Variants in NEIL2 observed in about 807,000 individuals in gnomAD.
NEIL2 encodes the protein nei like DNA glycosylase 2.
NEIL2 carries 23 observed loss-of-function variants against 22.2 expected under a neutral mutation model. The observed-to-expected ratio is 1.04, with a 90% CI of 0.75 to 1.47. NEIL2 has a LOEUF of 1.47. Among genes scored for constraint, NEIL2 ranks in the 40% most tolerant of loss-of-function variants. The pLI is 0.00. For missense variants in NEIL2, 583 were observed against 404.7 expected (o/e 1.44, Z -3.78); for synonymous variants, 229 against 164.8 (o/e 1.39, Z -2.99).
Position 11,779,834 on chromosome 8 carries a change from A to G in NEIL2, c.375A>G (p.Gly125=), listed in dbSNP as rs1290162798. The G allele has an allele frequency of 1.9e-6, 3 of 1,613,948 alleles. No individual in the cohort carries two copies. Among genetic ancestry groups the G allele is most frequent in the Non-Finnish European group, 2.5e-6 (3 of 1,179,950 alleles). Residue 125 remains glycine, a synonymous_variant, in exon 3 of 5, where the codon GGA becomes GGG. Transcript: ENST00000284503. The part of the protein sequence containing the change: ...SEYLERDAPA[G]DAGRWLRVSF... ...ATTTGGAGAGAGACGCCCCTGCAGG[A>G]GATGCTGGGAGGTGGCTGCGTGTCA...
chr8:11,779,675 G>T lies in NEIL2; in HGVS notation c.216G>T (p.Glu72Asp), dbSNP rs1215140040. ...MGPPGSSPTP[E>D]PPQKEVQKEG... ...CCCCTGGCAGCAGCCCAACACCAGA[G>T]CCTCCACAAAAAGAAGTGCAGAAGG... Residue 72 changes from glutamate to aspartate, a missense_variant, in exon 3 of 5, where the codon GAG (glutamate) becomes GAT (aspartate). Physicochemically the swap from Glu to Asp is conservative, Grantham distance 45. Coordinates refer to ENST00000284503, the MANE Select transcript of NEIL2 (RefSeq NM_145043.4). 1 of 1,613,914 alleles carries T rather than the reference G, an allele frequency of 6.2e-7. No homozygotes were observed. The highest frequency in any genetic ancestry group is 8.5e-7 in the Non-Finnish European group (1 of 1,179,970).
Position 11,786,034 on chromosome 8 carries a change from G to C in NEIL2, c.760G>C (p.Ala254Pro). ...CCTTTCTCTCGGTTCAGTCCTGAGTGCCTCGCGTCGGGAGGTCCTGGTGGA... is the reference window on the plus strand; with the variant it reads ...CCTTTCTCTCGGTTCAGTCCTGAGTCCCTCGCGTCGGGAGGTCCTGGTGGA... ...HPLSLGSVLS[A>P]SRREVLVDHV... Residue 254 changes from alanine to proline, a missense_variant, in exon 5 of 5, where the codon GCC becomes CCC. Ala to Pro is a conservative substitution (Grantham distance 27). Coordinates refer to ENST00000284503, the MANE Select transcript of NEIL2 (RefSeq NM_145043.4). 6.2e-7 allele frequency: 1 copy of C among 1,614,140 alleles called. No individual in the cohort carries two copies. The highest frequency in any genetic ancestry group is 8.5e-7 in the Non-Finnish European group (1 of 1,180,004).
At chr8:11,771,262 C>A (rs1476980313) in intron 1 of NEIL2, among the ~76,000 whole-genome samples, 184 bp from the exon 2 acceptor site, 1 of 152,178 alleles carries the variant, frequency 6.6e-6, no homozygotes, top group African/African-American at 2.4e-5. Flanking sequence ...TTTCCCACAC[C>A]CTGCCACAGC....
At chr8:11,782,461 T>C (rs1238895886) in intron 3 of NEIL2, among the ~76,000 whole-genome samples, 1 of 152,176 alleles carries the variant, frequency 6.6e-6, no homozygotes, top group Admixed American at 6.5e-5. Context: ...AAGCATTTAA[T>C]ATGCCTAGCC....
In NEIL2 at chr8:11,779,670, C is replaced by G. The variant is rs1804221500; in HGVS notation, c.211C>G (p.Pro71Ala). The G allele has an allele frequency of 2.5e-6, 4 of 1,613,888 alleles. No homozygotes were observed. Among genetic ancestry groups the G allele is most frequent in the South Asian group, 1.1e-5 (1 of 91,080 alleles). ...EMGPPGSSPT[P>A]EPPQKEVQKE... is the part of the protein sequence containing the mutation. ...GGGGCCCCCTGGCAGCAGCCCAACA[C>G]CAGAGCCTCCACAAAAAGAAGTGCA... Residue 71 changes from proline to alanine, a missense_variant, in exon 3 of 5, where the codon CCA becomes GCA. By Grantham distance (27) the Pro-to-Ala change is conservative. Coordinates refer to ENST00000284503, the MANE Select transcript of NEIL2 (RefSeq NM_145043.4).
chr8:11,786,227 G>T lies in NEIL2; in HGVS notation c.953G>T (p.Cys318Phe). The change falls in exon 5 of 5, where the codon TGC becomes TTC. Residue 318 changes from cysteine to phenylalanine, a missense_variant. Coordinates refer to ENST00000284503, the MANE Select transcript of NEIL2 (RefSeq NM_145043.4). ...AGGCTCACCTGGTGGTGCCCGCAGT[G>T]CCAGCCCCAGTTGTCAGAGGAGCCA... ...LQRLTWWCPQ[C>F]QPQLSEEPEQ... The T allele has an allele frequency of 6.2e-7, 1 of 1,613,076 alleles. No individual in the cohort carries two copies. The highest frequency in any genetic ancestry group is 1.1e-5 in the South Asian group (1 of 91,038).
intron 2 of NEIL2, among the ~76,000 whole-genome samples, chr8:11,773,424 A>T (rs1803643680): frequency 6.6e-6 from 1 of 152,076 alleles, no homozygotes; most frequent in South Asian, 2.1e-4. Flanking sequence ...TGACCCTAGG[A>T]ACTTAGAACT....
chr8:11,783,936 C>G (rs1458101654), intron 4 of NEIL2, among the ~76,000 whole-genome samples: 1 of 152,202 alleles, frequency 6.6e-6, no homozygotes, highest in South Asian at 2.1e-4. Flanking sequence ...ATTGCAGTGG[C>G]GTGAGCAGTG....
intron 3 of NEIL2, among the ~76,000 whole-genome samples, chr8:11,780,916 A>G (rs529276611): frequency 7.2e-5 from 11 of 152,288 alleles, no homozygotes; most frequent in Middle Eastern, 3.4e-3. Context: ...TTTTGCACAG[A>G]AAGTCTGTTT....
chr8:11,781,456 A>C (rs1045832647), intron 3 of NEIL2, among the ~76,000 whole-genome samples: 1 of 152,210 alleles, frequency 6.6e-6, no homozygotes, highest in African/African-American at 2.4e-5. Context: ...CATTTTTAGA[A>C]GTTCAGATGA....
chr8:11,781,357 C>A (rs192844010), intron 3 of NEIL2, among the ~76,000 whole-genome samples: 1 of 152,166 alleles, frequency 6.6e-6, no homozygotes, highest in Non-Finnish European at 1.5e-5. Context: ...GCACTTTCCA[C>A]GCATTGGTTT....
At chr8:11,775,256 C>T (rs752504718) in intron 2 of NEIL2, among the ~76,000 whole-genome samples, 9 of 152,398 alleles carry the variant, frequency 5.9e-5, no homozygotes, top group Non-Finnish European at 1.2e-4. Context: ...TTCTTAACTT[C>T]TGTGCACCTG....
rs765644684 is a variant in NEIL2, at chr8:11,783,338, TC to T, written c.628del (p.Leu210Ter). The T allele has an allele frequency of 2.5e-6, 4 of 1,614,208 alleles. No homozygotes were observed. Among genetic ancestry groups the T allele is most frequent in the Admixed American group, 1.7e-5 (1 of 60,018 alleles). On this transcript the variant is annotated frameshift_variant, in exon 4 of 5. Coordinates refer to ENST00000284503, the MANE Select transcript of NEIL2 (RefSeq NM_145043.4). LOFTEE classifies it high-confidence loss of function. The stretch of plus-strand genomic sequence containing the variant: ...TCCATCGAGGACAAGCCTTAGAAGC[TC>T]TAGGCCAGGCTCAGCCTGTCTGCTA... ...KFHRGQALEA[L>X]GQAQPVCYTL...
intron 2 of NEIL2, among the ~76,000 whole-genome samples, chr8:11,772,330 A>T (rs1209941599): frequency 6.6e-6 from 1 of 152,128 alleles, no homozygotes; most frequent in East Asian, 1.9e-4. Context: ...TCCTGCCCCA[A>T]ACCTGTCTTC....
rs772783828 is a variant in NEIL2, at chr8:11,771,518, A to C, written c.71A>C (p.Lys24Thr). 4 of 1,614,146 alleles carry C rather than the reference A, an allele frequency of 2.5e-6. No individual in the cohort carries two copies. In the Admixed American group the frequency reaches 6.7e-5, roughly 27 times the overall value. ...CCCTTTGTGGGTCAGCAGGTGGTCAAGACAGGGGGCAGCAGTAAGAAGCTA... is the reference window on the plus strand; with the variant it reads ...CCCTTTGTGGGTCAGCAGGTGGTCACGACAGGGGGCAGCAGTAAGAAGCTA... ...VSPFVGQQVV[K>T]TGGSSKKLQP... Residue 24 changes from lysine to threonine, a missense_variant, in exon 2 of 5, where the codon AAG becomes ACG. Transcript: ENST00000284503.
At chr8:11,782,340 G>T (rs1046756077) in intron 3 of NEIL2, among the ~76,000 whole-genome samples, 1 of 152,120 alleles carries the variant, frequency 6.6e-6, no homozygotes, top group Non-Finnish European at 1.5e-5. Context: ...CAGGAGAATC[G>T]CTTGAACCTG....
chr8:11,780,047 G>C, intron 3 of NEIL2, 97 bp downstream of exon 3: 1 of 1,055,390 alleles, frequency 9.5e-7, no homozygotes. Context: ...TACTGAGGAC[G>C]TCCAGTCTGC....
intron 2 of NEIL2, among the ~76,000 whole-genome samples, chr8:11,773,230 G>A (rs1054926454): frequency 2.0e-5 from 3 of 152,190 alleles, no homozygotes; most frequent in African/African-American, 7.2e-5. Context: ...TATTTCCCAA[G>A]TGGATGGGTG....
intron 3 of NEIL2, among the ~76,000 whole-genome samples, chr8:11,780,608 C>A (rs1314496511): frequency 6.6e-6 from 1 of 152,176 alleles, no homozygotes; most frequent in African/African-American, 2.4e-5. Context: ...GTCTGGAACT[C>A]CTGGCCTCAA....
Sources: gnomAD v4.1 joint callset for allele counts (sites outside exome capture counted in the v4.1 genomes callset) on GRCh38, gnomAD v4.1.1 for gene constraint, MANE v1.5 for transcripts, NCBI Gene and HGNC (gene_info 2026-07-23, HGNC 2026-07-21) for gene names.